Variants in UTP20 observed in about 807,000 individuals in gnomAD.
UTP20 encodes small subunit processome component 20 homolog.
In UTP20, 164 loss-of-function variants were observed where a neutral mutation model predicts 329.5. That is an observed-to-expected ratio of 0.50 (90% CI 0.44 to 0.57). The LOEUF (loss-of-function observed/expected upper bound fraction) is 0.57, where lower values mean the gene tolerates loss of function less well. UTP20 is among the 20% of genes least tolerant of loss of function. UTP20 has a pLI of 0.00. For missense variants in UTP20, 3,055 were observed against 3,284.2 expected (o/e 0.93, Z 1.71); for synonymous variants, 1,151 against 1,159.3 (o/e 0.99, Z 0.14).
At chr12:101,362,651 C>T (rs1016492155) in intron 44 of UTP20, among the ~76,000 whole-genome samples, 3 of 132,894 alleles carry the variant, frequency 2.3e-5, no homozygotes, top group Non-Finnish European at 1.5e-5. Flanking sequence ...TTGCAGTGAG[C>T]GCAGACCGCG....
At chr12:101,385,324 G>A (rs1352029329) in intron 60 of UTP20, among the ~76,000 whole-genome samples, 1 of 152,152 alleles carries the variant, frequency 6.6e-6, no homozygotes, top group Non-Finnish European at 1.5e-5. Context: ...TGCATCCTGG[G>A]TGAGGTGGTG....
chr12:101,327,278 C>A, intron 26 of UTP20, 31 bp downstream of exon 26: 1 of 1,527,900 alleles, frequency 6.5e-7, no homozygotes, highest in Non-Finnish European at 8.9e-7. Context: ...ACTCTAATAC[C>A]TGTTGTCTGC....
chr12:101,340,639 T>A, intron 32 of UTP20, 29 bp downstream of exon 32: 1 of 1,453,932 alleles, frequency 6.9e-7, no homozygotes, highest in South Asian at 1.2e-5. Flanking sequence ...CTTAACTTTG[T>A]CTCTAGAGTG....
At chr12:101,362,526 A>ATTTGTAATTTATAATT (rs1555202275) in intron 44 of UTP20, among the ~76,000 whole-genome samples, 9 of 137,654 alleles carry the variant, frequency 6.5e-5, no homozygotes, top group East Asian at 2.6e-4. Context: ...CAACATGGTG[A>ATTTGTAATTTATAATT]AACCCCGTCT....
intron 25 of UTP20, among the ~76,000 whole-genome samples, chr12:101,324,004 G>A (rs931854481): frequency 1.3e-5 from 2 of 151,916 alleles, no homozygotes; most frequent in African/African-American, 4.8e-5. Flanking sequence ...GGGCGTGGTG[G>A]CACGTGCCTG....
At position 101,365,475 on chromosome 12, in the gene UTP20, C is replaced by G; in HGVS notation, c.5975C>G (p.Thr1992Arg). 1 of 1,604,378 alleles carries G rather than the reference C, an allele frequency of 6.2e-7. No homozygotes were observed. The highest frequency in any genetic ancestry group is 1.1e-5 in the South Asian group (1 of 88,342). Residue 1992 changes from threonine (T) to arginine (R), a missense_variant, in exon 46 of 62, where the codon ACG becomes AGG. Physicochemically the swap from Thr to Arg is moderately conservative, Grantham distance 71. Around this residue, in one of 3 missense-constraint regions of UTP20, gnomAD observed 2,445 missense variants for 2,575.5 expected, o/e 0.95. Transcript: ENST00000261637. ...LPLKEILQNT[T>R]SLKLARKVHE... Reference sequence around the variant, plus strand: ...TGCCTTTAGATCTTACAAAATACCACGAGTTTGAAACTGGCCCGGAAAGTT... The same window carrying G: ...TGCCTTTAGATCTTACAAAATACCAGGAGTTTGAAACTGGCCCGGAAAGTT...
Position 101,370,467 on chromosome 12 carries a change from C to T in UTP20, c.6591C>T (p.Tyr2197=), listed in dbSNP as rs1423145931. Residue 2197 remains tyrosine, a synonymous_variant, in exon 50 of 62, where the codon TAC becomes TAT. Coordinates refer to ENST00000261637, the MANE Select transcript of UTP20 (RefSeq NM_014503.3). ...VTILVKKVKS[Y]QITEKQLQVL... is the part of the protein sequence containing the mutation. ...TACTTGTCAAGAAAGTCAAGTCTTA[C>T]CAGATAACTGAAAAACAGCTCCAAG... 1 of 1,613,906 alleles carries T rather than the reference C, an allele frequency of 6.2e-7. No homozygotes were observed. The highest frequency in any genetic ancestry group is 8.5e-7 in the Non-Finnish European group (1 of 1,179,912).
chr12:101,296,203 G>C (rs12300429), intron 12 of UTP20, among the ~76,000 whole-genome samples: 55 of 152,124 alleles, frequency 3.6e-4, no homozygotes, highest in African/African-American at 1.3e-3. Context: ...ATCCTGTGTT[G>C]ATTTGTAACC....
chr12:101,381,515 G>A (rs1259994719), intron 58 of UTP20, among the ~76,000 whole-genome samples: 4 of 152,082 alleles, frequency 2.6e-5, no homozygotes, highest in Admixed American at 2.6e-4. Context: ...CATCCTAGGT[G>A]ACAGAGCGAG....
intron 38 of UTP20, among the ~76,000 whole-genome samples, chr12:101,349,025 GTTTTGT>G (rs1593443234): frequency 1.3e-5 from 2 of 151,846 alleles, no homozygotes; most frequent in South Asian, 2.1e-4. Context: ...CAGGTTTATT[GTTTTGT>G]TTTTGTTTTT....
intron 14 of UTP20, among the ~76,000 whole-genome samples, chr12:101,301,427 C>T (rs926360242): frequency 2.6e-5 from 4 of 152,092 alleles, no homozygotes; most frequent in African/African-American, 4.8e-5. Flanking sequence ...CAGCACTTTG[C>T]GAGGCCGAAG....
At chr12:101,333,884 G>T (rs1027311340) in intron 28 of UTP20, among the ~76,000 whole-genome samples, 1 of 152,156 alleles carries the variant, frequency 6.6e-6, no homozygotes, top group African/African-American at 2.4e-5. Flanking sequence ...GGCTGGTCTT[G>T]AACTCCTGAC....
chr12:101,320,962 C>CT, intron 24 of UTP20, 25 bp downstream of exon 24: 4 of 1,567,324 alleles, frequency 2.6e-6, no homozygotes, highest in Non-Finnish European at 3.5e-6. Flanking sequence ...GCTTAAAGAA[C>CT]TGTTATTTCT....
intron 38 of UTP20, among the ~76,000 whole-genome samples, chr12:101,348,049 T>A (rs972703677): frequency 1.3e-5 from 2 of 152,150 alleles, no homozygotes; most frequent in African/African-American, 4.8e-5. Context: ...GGCTGGTCTC[T>A]AACTACTGAC....
Position 101,285,787 on chromosome 12 carries a change from T to C in UTP20, c.232T>C (p.Phe78Leu). The change falls in exon 4 of 62, where the codon TTC (phenylalanine) becomes CTC (leucine). Residue 78 changes from phenylalanine (F) to leucine (L), a missense_variant. Physicochemically the swap from Phe to Leu is conservative, Grantham distance 22 (BLOSUM62 0). This residue lies in a region of UTP20 where 2,445 missense variants were observed against 2,575.5 expected (regional missense o/e 0.95). Coordinates refer to ENST00000261637, the MANE Select transcript of UTP20 (RefSeq NM_014503.3). ...AGAAGTTATTGACAAATGCCAATCA[T>C]TCAATCAGTTGGTGTATCACCAAAA... ...YKEVIDKCQS[F>L]NQLVYHQNEI... 6.2e-7 allele frequency: 1 copy of C among 1,613,798 alleles called. No individual in the cohort carries two copies. The highest frequency in any genetic ancestry group is 8.5e-7 in the Non-Finnish European group (1 of 1,179,886).
chr12:101,285,065 G>A (rs563185503), intron 2 of UTP20, among the ~76,000 whole-genome samples: 15 of 152,130 alleles, frequency 9.9e-5, no homozygotes, highest in African/African-American at 3.6e-4. Flanking sequence ...GGATATTTTA[G>A]CCTGTTTAAT....
chr12:101,374,130 G>A (rs1183344507), intron 54 of UTP20, among the ~76,000 whole-genome samples: 1 of 150,550 alleles, frequency 6.6e-6, no homozygotes, highest in Non-Finnish European at 1.5e-5. Context: ...AGCTACTTGG[G>A]AGGCTGAGGC....
Position 101,379,363 on chromosome 12 carries a change from TCCC to T in UTP20, c.7397-7_7397-5del. 6.4e-7 allele frequency: 1 copy of T among 1,571,320 alleles called. No individual in the cohort carries two copies. Among genetic ancestry groups the T allele is most frequent in the Admixed American group, 1.8e-5 (1 of 54,132 alleles). On this transcript the variant is annotated splice_region_variant and splice_polypyrimidine_tract_variant and intron_variant, in intron 56 of 61. Coordinates refer to ENST00000261637, the MANE Select transcript of UTP20 (RefSeq NM_014503.3). ...GTGACATCCACAAATGCTTTTTGGTTCCCTTAGGTCATGTGCATTCTCACCTGA... is the reference window on the plus strand; with the variant it reads ...GTGACATCCACAAATGCTTTTTGGTTTTAGGTCATGTGCATTCTCACCTGA...
intron 42 of UTP20, 86 bp from the exon 43 acceptor site, chr12:101,356,840 C>T (rs761537014): frequency 5.8e-5 from 86 of 1,483,454 alleles, no homozygotes; most frequent in Non-Finnish European, 5.3e-5. Flanking sequence ...ATTTGAGTTA[C>T]GAGTAATTAA....
Sources: gnomAD v4.1 joint callset for allele counts (sites outside exome capture counted in the v4.1 genomes callset) on GRCh38, gnomAD v4.1.1 for gene constraint, gnomAD v4.1.1 regional missense constraint, MANE v1.5 for transcripts, NCBI Gene and HGNC (gene_info 2026-07-23, HGNC 2026-07-21) for gene names.